Variants in ZNF385B observed in about 807,000 individuals in gnomAD.
The protein encoded by ZNF385B is zinc finger protein 385B.
In ZNF385B, 23 loss-of-function variants were observed where a neutral mutation model predicts 39.2. That is an observed-to-expected ratio of 0.59 (90% CI 0.42 to 0.83). The LOEUF (loss-of-function observed/expected upper bound fraction) is 0.83. Ranked by LOEUF, ZNF385B falls within the 40% of genes least tolerant of loss-of-function variation. ZNF385B has a pLI of 0.00. For missense variants in ZNF385B, 552 were observed against 598.9 expected (o/e 0.92, Z 0.82); for synonymous variants, 205 against 222.6 (o/e 0.92, Z 0.70).
At chr2:179,524,347 T>C (rs893993146) in intron 4 of ZNF385B, among the ~76,000 whole-genome samples, 2 of 151,680 alleles carry the variant, frequency 1.3e-5, no homozygotes, top group Non-Finnish European at 2.9e-5. Flanking sequence ...GGTCAGGAGA[T>C]AGCGACAATC....
chr2:179,797,392 C>G (rs1211715127), intron 1 of ZNF385B, among the ~76,000 whole-genome samples: 3 of 152,166 alleles, frequency 2.0e-5, no homozygotes, highest in Admixed American at 1.3e-4. Context: ...CATAACCACA[C>G]AATATGTCAT....
intron 1 of ZNF385B, among the ~76,000 whole-genome samples, chr2:179,842,043 C>T (rs1469131787): frequency 6.6e-6 from 1 of 152,198 alleles, no homozygotes; most frequent in East Asian, 1.9e-4. Context: ...TTCTGGACCT[C>T]AGTTTCCTCA....
In ZNF385B at chr2:179,691,359, A is replaced by G. The variant is rs139111117; in HGVS notation, c.298+78144T>C. 4.4e-4 allele frequency among the ~76,000 whole-genome samples: 67 copies of G among 152,312 alleles called. No homozygotes were observed. In the East Asian group the frequency reaches 0.013, roughly 29 times the overall value. On this transcript the variant is annotated intron_variant, in intron 3 of 9. Transcript: ENST00000410066. Reference sequence around the variant, plus strand: ...AAAAAAAATGAAATATGAGCCCCAGAGAATATTCTTTAAGAAGAAATATCT... The same window carrying G: ...AAAAAAAATGAAATATGAGCCCCAGGGAATATTCTTTAAGAAGAAATATCT...
intron 3 of ZNF385B, among the ~76,000 whole-genome samples, chr2:179,761,668 T>A (rs1014082812): frequency 2.0e-5 from 3 of 151,730 alleles, no homozygotes; most frequent in African/African-American, 2.4e-5. Context: ...AGCCTCGACC[T>A]CTTGAGCCCA....
chr2:179,841,947 T>C (rs1337568116), intron 1 of ZNF385B, among the ~76,000 whole-genome samples: 1 of 152,146 alleles, frequency 6.6e-6, no homozygotes, highest in Non-Finnish European at 1.5e-5. Context: ...TACTTCCACA[T>C]TGCAGCTAAA....
chr2:179,719,654 A>C (rs1036528939), intron 3 of ZNF385B, among the ~76,000 whole-genome samples: 17 of 152,262 alleles, frequency 1.1e-4, no homozygotes, highest in African/African-American at 3.4e-4. Context: ...AGGTTTACTA[A>C]GAAAGATAAC....
At chr2:179,857,087 T>C (rs1684663683) in intron 1 of ZNF385B, among the ~76,000 whole-genome samples, 1 of 152,100 alleles carries the variant, frequency 6.6e-6, no homozygotes, top group Non-Finnish European at 1.5e-5. Context: ...ATCTGCATTT[T>C]AATAAGATTT....
chr2:179,727,314 C>G lies in ZNF385B; in HGVS notation c.298+42189G>C, dbSNP rs866542062. Reference sequence around the variant, plus strand: ...AGCTTTCCAAAAATTAATCTCCAAACAATATAAAATACCACCGATTTAATT... The same window carrying G: ...AGCTTTCCAAAAATTAATCTCCAAAGAATATAAAATACCACCGATTTAATT... On this transcript the variant is annotated intron_variant, in intron 3 of 9. Transcript: ENST00000410066. Among the ~76,000 whole-genome samples, 3 of 152,100 alleles carry G rather than the reference C, an allele frequency of 2.0e-5. No individual in the cohort carries two copies. The South Asian group carries it at 6.2e-4, about 31-fold the overall frequency.
chr2:179,483,067 G>A (rs1189071848), intron 6 of ZNF385B, among the ~76,000 whole-genome samples: 1 of 151,034 alleles, frequency 6.6e-6, no homozygotes, highest in Admixed American at 6.6e-5. Flanking sequence ...ATACTTAAAC[G>A]TATATATTTA....
At chr2:179,688,779 T>C (rs1255195262) in intron 3 of ZNF385B, among the ~76,000 whole-genome samples, 1 of 152,212 alleles carries the variant, frequency 6.6e-6, no homozygotes, top group East Asian at 1.9e-4. Context: ...ACTCCTCCTC[T>C]GTAACTGAAA....
intron 3 of ZNF385B, among the ~76,000 whole-genome samples, chr2:179,716,708 T>A (rs1700353197): frequency 6.6e-6 from 1 of 152,154 alleles, no homozygotes; most frequent in Non-Finnish European, 1.5e-5. Flanking sequence ...GTGAATGTCT[T>A]TCTGAGGCTA....
chr2:179,817,738 T>C (rs1707155223), intron 1 of ZNF385B, among the ~76,000 whole-genome samples: 1 of 152,088 alleles, frequency 6.6e-6, no homozygotes, highest in Non-Finnish European at 1.5e-5. Context: ...TGGCTGTGTG[T>C]GTGTCTGCAT....
intron 3 of ZNF385B, among the ~76,000 whole-genome samples, chr2:179,577,923 T>C (rs1686025689): frequency 1.3e-5 from 2 of 152,134 alleles, no homozygotes; most frequent in South Asian, 4.1e-4. Flanking sequence ...ATTTTTTATA[T>C]TAAGCAATCA....
At chr2:179,741,924 G>T (rs1275008731) in intron 3 of ZNF385B, among the ~76,000 whole-genome samples, 1 of 151,708 alleles carries the variant, frequency 6.6e-6, no homozygotes, top group Non-Finnish European at 1.5e-5. Flanking sequence ...CCAGATGAAC[G>T]GGTAGGGGAG....
At chr2:179,769,827 G>A in intron 2 of ZNF385B, 25 bp from the exon 3 acceptor site, 6 of 1,560,758 alleles carry the variant, frequency 3.8e-6, no homozygotes, top group Non-Finnish European at 5.2e-6. Context: ...AAGTACAAGT[G>A]CTTCTGAAAT....
chr2:179,783,320 C>T (rs2106526875), intron 1 of ZNF385B, among the ~76,000 whole-genome samples: 1 of 152,212 alleles, frequency 6.6e-6, no homozygotes, highest in East Asian at 1.9e-4. Context: ...ATACCATCAA[C>T]AAAAATCAAC....
At chr2:179,717,713 G>A (rs1031424788) in intron 3 of ZNF385B, among the ~76,000 whole-genome samples, 2 of 152,190 alleles carry the variant, frequency 1.3e-5, no homozygotes, top group African/African-American at 4.8e-5. Context: ...GGGTGACAGA[G>A]TGAGACCCTG....
intron 5 of ZNF385B, among the ~76,000 whole-genome samples, chr2:179,514,909 G>C (rs962664211): frequency 1.3e-5 from 2 of 151,916 alleles, no homozygotes; most frequent in African/African-American, 4.8e-5. Flanking sequence ...CTCCCAAGTA[G>C]CTGGGATTTC....
intron 1 of ZNF385B, among the ~76,000 whole-genome samples, chr2:179,830,083 A>T (rs1347059522): frequency 6.6e-6 from 1 of 152,264 alleles, no homozygotes; most frequent in Admixed American, 6.5e-5. Context: ...GCCAAAGAAG[A>T]TATGCAGATG....
Sources: gnomAD v4.1 joint callset for allele counts (sites outside exome capture counted in the v4.1 genomes callset) on GRCh38, gnomAD v4.1.1 for gene constraint, MANE v1.5 for transcripts, NCBI Gene and HGNC (gene_info 2026-07-23, HGNC 2026-07-21) for gene names.